RAB6B: variants seen among roughly 807,000 people sequenced by gnomAD.
RAB6B encodes the protein RAB6B, member RAS oncogene family.
In RAB6B, 7 loss-of-function variants were observed where a neutral mutation model predicts 31.2. The observed-to-expected ratio is 0.22, with a 90% CI of 0.13 to 0.42. The LOEUF is 0.42. Among genes scored for constraint, RAB6B ranks in the 10% least tolerant of loss-of-function variants. The pLI is 1.00. For missense variants in RAB6B, 149 were observed against 280.6 expected (o/e 0.53, Z 3.35); for synonymous variants, 105 against 104.9 (o/e 1.00, Z -0.01).
At chr3:133,871,493 C>T (rs774305385) in intron 1 of RAB6B, among the ~76,000 whole-genome samples, 22 of 152,216 alleles carry the variant, frequency 1.4e-4, no homozygotes, top group Non-Finnish European at 2.8e-4. Flanking sequence ...ACAGCTGCCA[C>T]GTGACGCCAA....
At chr3:133,865,173 ATTC>A (rs1936219221) in intron 1 of RAB6B, among the ~76,000 whole-genome samples, 1 of 152,212 alleles carries the variant, frequency 6.6e-6, no homozygotes, top group African/African-American at 2.4e-5. Context: ...GGACAGGACT[ATTC>A]TTTGTGTATC....
intron 7 of RAB6B, 117 bp from the exon 8 acceptor site, chr3:133,828,969 G>C (rs949304456): frequency 9.9e-7 from 1 of 1,012,162 alleles, no homozygotes; most frequent in Non-Finnish European, 1.4e-6. Flanking sequence ...CTAGGGACTT[G>C]GCTCTTGGTT....
chr3:133,872,008 C>A (rs1936332757), intron 1 of RAB6B, among the ~76,000 whole-genome samples: 1 of 152,178 alleles, frequency 6.6e-6, no homozygotes, highest in Non-Finnish European at 1.5e-5. Context: ...TAACTCACTG[C>A]CATTTCTAAG....
chr3:133,845,690 G>A (rs1340534886), intron 2 of RAB6B, among the ~76,000 whole-genome samples: 1 of 152,014 alleles, frequency 6.6e-6, no homozygotes, highest in Non-Finnish European at 1.5e-5. Flanking sequence ...TCAGAGGAAG[G>A]TAACAAAATC....
At chr3:133,890,497 CG>C (rs1198051179) in intron 1 of RAB6B, among the ~76,000 whole-genome samples, 1 of 152,020 alleles carries the variant, frequency 6.6e-6, no homozygotes, top group African/African-American at 2.4e-5. Flanking sequence ...CCCAGCTACT[CG>C]GGAGGCTGAG....
At chr3:133,880,361 T>A (rs1225292852) in intron 1 of RAB6B, among the ~76,000 whole-genome samples, 1 of 152,216 alleles carries the variant, frequency 6.6e-6, no homozygotes, top group African/African-American at 2.4e-5. Context: ...GAAACTTGTG[T>A]TTCCCAGGTT....
At chr3:133,862,428 G>A (rs1442872140) in intron 2 of RAB6B, among the ~76,000 whole-genome samples, 1 of 152,224 alleles carries the variant, frequency 6.6e-6, no homozygotes, top group Non-Finnish European at 1.5e-5. Context: ...ACAGTTGAGA[G>A]GCTAAACCAG....
chr3:133,865,093 T>C (rs1207012644), intron 1 of RAB6B, among the ~76,000 whole-genome samples: 2 of 152,240 alleles, frequency 1.3e-5, no homozygotes, highest in African/African-American at 2.4e-5. Flanking sequence ...AGCCTGAAGA[T>C]TGGTGGGGAC....
At chr3:133,885,184 G>A (rs979680539) in intron 1 of RAB6B, among the ~76,000 whole-genome samples, 2 of 151,376 alleles carry the variant, frequency 1.3e-5, no homozygotes, top group African/African-American at 4.9e-5. Flanking sequence ...CAGAGGACAA[G>A]GGGCTCACAC....
rs553522893 is a variant in RAB6B, at chr3:133,825,895, C to G, written c.*2893G>C. 6.6e-6 allele frequency: 1 copy of G among 152,356 alleles called. No individual in the cohort carries two copies. Among genetic ancestry groups the G allele is most frequent in the African/African-American group, 2.4e-5 (1 of 41,578 alleles). The allele number at this position is 152,356 out of a possible 1,614,324, so 9.4% of individuals were successfully genotyped here. On this transcript the variant is annotated 3_prime_UTR_variant, in exon 8 of 8. Coordinates refer to ENST00000285208, the MANE Select transcript of RAB6B (RefSeq NM_016577.4). ...TCCAATTTGCCCTCTGCTAACCCATCTGGATTCAGCAAAGATGCAATGCTC... is the reference window on the plus strand; with the variant it reads ...TCCAATTTGCCCTCTGCTAACCCATGTGGATTCAGCAAAGATGCAATGCTC...
At chr3:133,885,543 C>T in intron 1 of RAB6B, 2 of 703,000 alleles carry the variant, frequency 2.8e-6, no homozygotes, top group Non-Finnish European at 5.2e-6. Context: ...ACCCAATGGC[C>T]AGTTTCTGGT....
At chr3:133,832,412 C>A (rs1227740441) in intron 7 of RAB6B, among the ~76,000 whole-genome samples, 2 of 152,060 alleles carry the variant, frequency 1.3e-5, no homozygotes, top group African/African-American at 4.8e-5. Context: ...AAGCAGCAGA[C>A]GGAAACCTCA....
intron 7 of RAB6B, among the ~76,000 whole-genome samples, chr3:133,829,918 A>ATG (rs1168939438): frequency 3.2e-4 from 49 of 151,312 alleles, no homozygotes; most frequent in African/African-American, 1.0e-3. Flanking sequence ...TATTTTCCCC[A>ATG]TGTGTGTGTG....
chr3:133,860,616 G>C (rs1936147301), intron 2 of RAB6B, among the ~76,000 whole-genome samples: 1 of 152,250 alleles, frequency 6.6e-6, no homozygotes, highest in African/African-American at 2.4e-5. Flanking sequence ...TGCAAGGCCA[G>C]AGCATCTCAG....
chr3:133,848,093 C>T (rs1935930889), intron 2 of RAB6B, among the ~76,000 whole-genome samples: 1 of 152,220 alleles, frequency 6.6e-6, no homozygotes, highest in African/African-American at 2.4e-5. Flanking sequence ...CTTAATTATC[C>T]ACTAGACAGC....
intron 2 of RAB6B, among the ~76,000 whole-genome samples, chr3:133,850,198 G>C (rs531437463): frequency 6.6e-6 from 1 of 152,116 alleles, no homozygotes; most frequent in Non-Finnish European, 1.5e-5. Context: ...ACCACGGGGG[G>C]GAGAATTGAG....
intron 2 of RAB6B, among the ~76,000 whole-genome samples, chr3:133,857,553 G>A (rs182895246): frequency 8.5e-5 from 13 of 152,234 alleles, no homozygotes; most frequent in African/African-American, 2.9e-4. Context: ...CAGGTGCTGG[G>A]GACGTGCGGC....
rs540480655 is a variant in RAB6B, at chr3:133,836,855, C to T, written c.495+1311G>A. 7.9e-5 allele frequency among the ~76,000 whole-genome samples: 12 copies of T among 151,900 alleles called. 1 individual carries two copies. The South Asian group carries it at 2.5e-3, about 31-fold the overall frequency. On this transcript the variant is annotated intron_variant, in intron 6 of 7. Transcript: ENST00000285208. ...CACTGAGTCCTGGAGCTTTGGGGCCCCCAGTGTCACATAGTGTCCCTTCCA... is the reference window on the plus strand; with the variant it reads ...CACTGAGTCCTGGAGCTTTGGGGCCTCCAGTGTCACATAGTGTCCCTTCCA...
At chr3:133,841,127 A>G (rs1251932115) in intron 4 of RAB6B, among the ~76,000 whole-genome samples, 158 bp downstream of exon 4, 1 of 152,050 alleles carries the variant, frequency 6.6e-6, no homozygotes, top group Non-Finnish European at 1.5e-5. Context: ...GCAACTCACC[A>G]CTGCTCCCTG....
Sources: allele counts gnomAD v4.1 joint callset (sites outside exome capture counted in the v4.1 genomes callset), GRCh38; gene constraint gnomAD v4.1.1; transcripts MANE v1.5; gene names NCBI Gene and HGNC (gene_info 2026-07-23, HGNC 2026-07-21).